The following ELAPOR2 variants were observed in gnomAD, a reference collection of about 807,000 sequenced individuals.
The protein encoded by ELAPOR2 is endosome/lysosome-associated apoptosis and autophagy regulator family member 2.
A neutral mutation model predicts 120.7 loss-of-function variants in ELAPOR2; 89 were observed. The ratio of observed to expected loss-of-function variants is 0.74; its 90% CI spans 0.62 to 0.88. The LOEUF (loss-of-function observed/expected upper bound fraction) is 0.88, where lower values mean the gene tolerates loss of function less well. ELAPOR2 is among the 40% of genes least tolerant of loss of function. The pLI, the probability that ELAPOR2 is intolerant of heterozygous loss-of-function variation, is 0.00. For synonymous variants in ELAPOR2, 444 were observed against 444.9 expected (o/e 1.00, Z 0.03); for missense variants, 1,134 against 1,251.6 (o/e 0.91, Z 1.42).
Position 86,914,813 on chromosome 7 carries a change from G to A in ELAPOR2, c.1641C>T (p.Thr547=). 1 of 1,610,922 alleles carries A rather than the reference G, an allele frequency of 6.2e-7. No homozygotes were observed. Among genetic ancestry groups the A allele is most frequent in the Non-Finnish European group, 8.5e-7 (1 of 1,178,330 alleles). ...STNVVESWGG[T]KEKQAYTHII... ...TATGGGTGTAAGCTTGTTTTTCTTT[G>A]GTTCCACCCCACGATTCTACCACAT... The change falls in exon 13 of 22, where the codon ACC becomes ACT. Residue 547 remains threonine, a synonymous_variant. Transcript: ENST00000450689.
rs1479982930 is a variant in ELAPOR2, at chr7:86,877,397, A to G, written c.*3074T>C. On this transcript the variant is annotated 3_prime_UTR_variant, in exon 22 of 22. Transcript: ENST00000450689. ...TTTAGGAGTTGGGCCTGTCAACTGC[A>G]ATCATATTCATGATTACTATAAATA... The G allele has an allele frequency of 6.6e-6, 1 of 152,172 alleles. No homozygotes were observed. Among genetic ancestry groups the G allele is most frequent in the African/African-American group, 2.4e-5 (1 of 41,450 alleles). 9.4% of individuals were successfully genotyped at this position (152,172 alleles called of 1,614,324 possible). A position where few individuals can be genotyped will look rare whatever the true frequency, so the allele number is the denominator to read the frequency against.
chr7:86,939,037 A>C (rs1790690594), intron 6 of ELAPOR2, 77 bp from the exon 7 acceptor site: 1 of 1,521,666 alleles, frequency 6.6e-7, no homozygotes, highest in East Asian at 2.3e-5. Context: ...TTCTGCTTCT[A>C]CCCAGAAGTG....
intron 1 of ELAPOR2, among the ~76,000 whole-genome samples, chr7:86,965,580 G>A (rs529031096): frequency 2.0e-5 from 3 of 152,004 alleles, no homozygotes; most frequent in Admixed American, 6.6e-5. Flanking sequence ...CATCAATTAC[G>A]GACTATTAAA....
At chr7:87,049,402 C>T (rs1795041007) in intron 1 of ELAPOR2, among the ~76,000 whole-genome samples, 1 of 152,152 alleles carries the variant, frequency 6.6e-6, no homozygotes, top group African/African-American at 2.4e-5. Flanking sequence ...CTGCCTCAGC[C>T]TCCCGAGCAG....
intron 19 of ELAPOR2, among the ~76,000 whole-genome samples, chr7:86,896,792 T>C (rs1332524945): frequency 2.0e-5 from 3 of 152,178 alleles, no homozygotes; most frequent in Non-Finnish European, 4.4e-5. Context: ...AAAATTGATA[T>C]GATCAAAGTA....
chr7:87,032,617 T>C (rs1794455916), intron 1 of ELAPOR2, among the ~76,000 whole-genome samples: 1 of 152,174 alleles, frequency 6.6e-6, no homozygotes, highest in Non-Finnish European at 1.5e-5. Context: ...AATGTACAGA[T>C]AAAAACAGAG....
intron 1 of ELAPOR2, among the ~76,000 whole-genome samples, chr7:87,042,249 C>A (rs945397802): frequency 6.6e-6 from 1 of 151,158 alleles, no homozygotes; most frequent in Admixed American, 6.6e-5. Flanking sequence ...CTCAGCTCTG[C>A]ACCAAGTGGA....
intron 3 of ELAPOR2, 57 bp downstream of exon 3, chr7:86,947,670 C>A: frequency 7.2e-7 from 1 of 1,389,654 alleles, no homozygotes; most frequent in South Asian, 1.3e-5. Flanking sequence ...TGGAAAAGAG[C>A]AACTACTTTC....
At chr7:87,007,742 T>G (rs1793529235) in intron 1 of ELAPOR2, among the ~76,000 whole-genome samples, 1 of 152,162 alleles carries the variant, frequency 6.6e-6, no homozygotes. Flanking sequence ...AAAGAATGAA[T>G]GAAACAGGTA....
intron 1 of ELAPOR2, among the ~76,000 whole-genome samples, chr7:87,054,482 C>T (rs754032509): frequency 2.0e-5 from 3 of 152,168 alleles, no homozygotes; most frequent in Non-Finnish European, 4.4e-5. Flanking sequence ...AGATTAGTTA[C>T]GTTAACTGCT....
At chr7:86,959,014 C>T (rs1372705179) in intron 2 of ELAPOR2, among the ~76,000 whole-genome samples, 3 of 145,968 alleles carry the variant, frequency 2.1e-5, no homozygotes, top group Non-Finnish European at 4.5e-5. Flanking sequence ...CAGCGTTTAT[C>T]ATTTTCAGTG....
At chr7:87,011,249 C>CAAAAAAAAAAA (rs772971682) in intron 1 of ELAPOR2, among the ~76,000 whole-genome samples, 14 of 52,610 alleles carry the variant, frequency 2.7e-4, no homozygotes, top group East Asian at 6.0e-4. Flanking sequence ...GACTCCATCT[C>CAAAAAAAAAAA]AAAAAAAAAA....
chr7:86,947,991 C>T (rs548656355), intron 2 of ELAPOR2, 69 bp from the exon 3 acceptor site: 19 of 1,070,492 alleles, frequency 1.8e-5, no homozygotes, highest in Non-Finnish European at 2.6e-5. Flanking sequence ...CATGCTGTCA[C>T]CAGAATTATT....
At chr7:86,908,605 G>A (rs780819060) in intron 16 of ELAPOR2, 62 bp from the exon 17 acceptor site, 145 of 731,800 alleles carry the variant, frequency 2.0e-4, no homozygotes, top group Non-Finnish European at 2.8e-4. Flanking sequence ...TTTGGTCTCC[G>A]TAGTTTTGAA....
chr7:86,907,901 T>G (rs1220508824), intron 17 of ELAPOR2, 130 bp from the exon 18 acceptor site: 2 of 476,132 alleles, frequency 4.2e-6, no homozygotes. Flanking sequence ...TTCACTAATT[T>G]GTAATTTTAA....
At chr7:87,045,544 TG>T (rs1432725639) in intron 1 of ELAPOR2, among the ~76,000 whole-genome samples, 1 of 138,676 alleles carries the variant, frequency 7.2e-6, no homozygotes, top group Non-Finnish European at 1.5e-5. Context: ...CACTCATAGG[TG>T]GGAATTGAAC....
chr7:86,953,122 T>C (rs1392620508), intron 2 of ELAPOR2, among the ~76,000 whole-genome samples: 3 of 150,800 alleles, frequency 2.0e-5, no homozygotes, highest in Non-Finnish European at 4.4e-5. Flanking sequence ...CCCACACAAT[T>C]ATTGATAGTT....
At chr7:86,907,015 A>G (rs911532549) in intron 18 of ELAPOR2, among the ~76,000 whole-genome samples, 1 of 152,188 alleles carries the variant, frequency 6.6e-6, no homozygotes, top group Non-Finnish European at 1.5e-5. Context: ...TAAGTTGACA[A>G]TTCTGAGCCT....
At chr7:86,990,486 C>T (rs578185553) in intron 1 of ELAPOR2, among the ~76,000 whole-genome samples, 46 of 152,188 alleles carry the variant, frequency 3.0e-4, no homozygotes, top group Non-Finnish European at 6.5e-4. Flanking sequence ...AGATGCCACC[C>T]CTTGACCTTG....
Sources: gnomAD v4.1 joint callset for allele counts (sites outside exome capture counted in the v4.1 genomes callset) on GRCh38, gnomAD v4.1.1 for gene constraint, MANE v1.5 for transcripts, NCBI Gene and HGNC (gene_info 2026-07-23, HGNC 2026-07-21) for gene names.